Variants in DOCK3 observed in about 807,000 individuals in gnomAD.
The protein encoded by DOCK3 is dedicator of cytokinesis protein 3.
A neutral mutation model predicts 265.6 loss-of-function variants in DOCK3; 60 were observed. That is an observed-to-expected ratio of 0.23 (90% CI 0.18 to 0.28). The LOEUF is 0.28. Ranked by LOEUF, DOCK3 falls within the 10% of genes least tolerant of loss-of-function variation. The pLI is 1.00. For synonymous variants in DOCK3, 881 were observed against 938.0 expected (o/e 0.94, Z 1.11); for missense variants, 1,981 against 2,594.3 (o/e 0.76, Z 5.14).
intron 23 of DOCK3, among the ~76,000 whole-genome samples, chr3:51,267,367 C>T (rs917159847): frequency 1.1e-4 from 17 of 150,854 alleles, no homozygotes; most frequent in African/African-American, 3.2e-4. Context: ...CACATGCGCA[C>T]GTATGGTTTT....
Position 51,019,658 on chromosome 3 carries a change from G to T in DOCK3, c.316-44790G>T, listed in dbSNP as rs1445490390. Among the ~76,000 whole-genome samples the T allele has an allele frequency of 6.6e-5, 10 of 151,832 alleles. No homozygotes were observed. In the South Asian group the frequency reaches 1.9e-3, roughly 28 times the overall value. ...CCTCCAACAGGCCCCAGTGTGTGTT[G>T]TTCCCCAACCCCACCATGCATCCAT... On this transcript the variant is annotated intron_variant, in intron 5 of 52. Transcript: ENST00000266037.
At chr3:50,835,889 G>C (rs1414185219) in intron 2 of DOCK3, among the ~76,000 whole-genome samples, 1 of 152,172 alleles carries the variant, frequency 6.6e-6, no homozygotes, top group Admixed American at 6.5e-5. Flanking sequence ...CTCAGTGGTG[G>C]GAGAGGAATA....
intron 5 of DOCK3, among the ~76,000 whole-genome samples, chr3:51,053,076 A>ATAT (rs1559993850): frequency 8.7e-5 from 3 of 34,570 alleles, no homozygotes; most frequent in Non-Finnish European, 1.7e-4. Flanking sequence ...AAAAAAGTCA[A>ATAT]AGATATATAT....
chr3:51,312,408 A>G, intron 29 of DOCK3, 68 bp from the exon 30 acceptor site: 1 of 1,341,812 alleles, frequency 7.5e-7, no homozygotes, highest in South Asian at 1.2e-5. Flanking sequence ...ACATGCATGT[A>G]TTTAGTAACG....
intron 20 of DOCK3, 26 bp downstream of exon 20, chr3:51,236,454 T>A (rs780741883): frequency 6.4e-7 from 1 of 1,573,984 alleles, no homozygotes; most frequent in East Asian, 2.2e-5. Flanking sequence ...GACTCTTTAC[T>A]TTTATTAATT....
At chr3:50,777,678 TG>T (rs1186134807) in intron 1 of DOCK3, among the ~76,000 whole-genome samples, 1 of 152,148 alleles carries the variant, frequency 6.6e-6, no homozygotes, top group Non-Finnish European at 1.5e-5. Flanking sequence ...TTTTTGCAGC[TG>T]TTGTAAAAGG....
At chr3:50,730,879 C>T (rs1434167754) in intron 1 of DOCK3, among the ~76,000 whole-genome samples, 1 of 150,452 alleles carries the variant, frequency 6.6e-6, no homozygotes. Context: ...GCCTGTAATC[C>T]CAGCACTTTG....
At chr3:51,333,933 T>C (rs1015128594) in intron 35 of DOCK3, among the ~76,000 whole-genome samples, 17 of 151,840 alleles carry the variant, frequency 1.1e-4, no homozygotes, top group African/African-American at 3.6e-4. Context: ...CTCGAAGTCC[T>C]AGGCTCAAGC....
chr3:51,155,114 G>T (rs556691468), intron 10 of DOCK3, among the ~76,000 whole-genome samples: 4 of 152,048 alleles, frequency 2.6e-5, no homozygotes, highest in African/African-American at 9.6e-5. Context: ...TGAGTAGTGG[G>T]GCTATAGGCG....
intron 1 of DOCK3, among the ~76,000 whole-genome samples, chr3:50,771,724 G>A (rs1336636755): frequency 3.3e-5 from 5 of 152,096 alleles, no homozygotes; most frequent in African/African-American, 7.2e-5. Context: ...GGTGGCGGGC[G>A]CCTGTAGTCC....
At chr3:51,145,712 C>T (rs1231408904) in intron 9 of DOCK3, among the ~76,000 whole-genome samples, 2 of 152,120 alleles carry the variant, frequency 1.3e-5, no homozygotes, top group African/African-American at 2.4e-5. Flanking sequence ...AAAGATTGGA[C>T]ACTGCTGCCC....
At chr3:51,283,405 T>A (rs2081240357) in intron 27 of DOCK3, among the ~76,000 whole-genome samples, 1 of 152,212 alleles carries the variant, frequency 6.6e-6, no homozygotes, top group Admixed American at 6.5e-5. Flanking sequence ...GGAGGAAATT[T>A]GTATCTCTAG....
intron 5 of DOCK3, among the ~76,000 whole-genome samples, chr3:50,986,902 G>C (rs760574698): frequency 1.3e-5 from 2 of 152,156 alleles, no homozygotes; most frequent in Admixed American, 1.3e-4. Context: ...TGAAAGCAGC[G>C]TGCTGCTATG....
intron 5 of DOCK3, among the ~76,000 whole-genome samples, chr3:51,031,674 A>T (rs900431977): frequency 6.6e-6 from 1 of 152,188 alleles, no homozygotes; most frequent in Non-Finnish European, 1.5e-5. Context: ...TGTGTTTTGA[A>T]TGTTTGTATC....
At chr3:50,687,245 C>T (rs1004680640) in intron 1 of DOCK3, among the ~76,000 whole-genome samples, 4 of 152,060 alleles carry the variant, frequency 2.6e-5, no homozygotes, top group African/African-American at 9.7e-5. Flanking sequence ...AAAATCTCTG[C>T]TAAATCCCAG....
intron 19 of DOCK3, among the ~76,000 whole-genome samples, chr3:51,229,854 A>G (rs1238212995): frequency 2.0e-5 from 3 of 152,188 alleles, no homozygotes; most frequent in Non-Finnish European, 4.4e-5. Context: ...AGTGCAGAAT[A>G]TATGTTCACA....
intron 2 of DOCK3, among the ~76,000 whole-genome samples, chr3:50,794,723 TTTACATTCAGGG>T (rs1390456253): frequency 6.6e-6 from 1 of 152,198 alleles, no homozygotes; most frequent in Non-Finnish European, 1.5e-5. Flanking sequence ...ATTTATCCTG[TTTACATTCAGGG>T]TTATTATTGA....
At chr3:51,252,319 G>T (rs1246872415) in intron 22 of DOCK3, among the ~76,000 whole-genome samples, 5 of 152,092 alleles carry the variant, frequency 3.3e-5, no homozygotes, top group East Asian at 1.9e-4. Flanking sequence ...TTGTTCTTTT[G>T]GCTTAGAATT....
chr3:50,959,864 G>A (rs1352219197), intron 5 of DOCK3, among the ~76,000 whole-genome samples: 2 of 152,196 alleles, frequency 1.3e-5, no homozygotes, highest in African/African-American at 4.8e-5. Flanking sequence ...ATAGGCGTGA[G>A]CCACCACGCC....
Sources: gnomAD v4.1 joint callset for allele counts (sites outside exome capture counted in the v4.1 genomes callset) on GRCh38, gnomAD v4.1.1 for gene constraint, MANE v1.5 for transcripts, NCBI Gene and HGNC (gene_info 2026-07-23, HGNC 2026-07-21) for gene names.